DYNC2H1: variants seen among roughly 807,000 people sequenced by gnomAD.
The protein encoded by DYNC2H1 is cytoplasmic dynein 2 heavy chain 1.
Under a neutral mutation model 570.0 loss-of-function variants are expected in DYNC2H1, and 410 were observed. The observed-to-expected ratio is 0.72, with a 90% CI of 0.66 to 0.78. The LOEUF is 0.78. DYNC2H1 is among the 30% of genes least tolerant of loss of function. The pLI, the probability that DYNC2H1 is intolerant of heterozygous loss-of-function variation, is 0.00. For missense variants in DYNC2H1, 4,865 were observed against 5,046.4 expected (o/e 0.96, Z 1.09); for synonymous variants, 1,688 against 1,677.6 (o/e 1.01, Z -0.15).
intron 87 of DYNC2H1, among the ~76,000 whole-genome samples, chr11:103,462,734 G>A (rs1034291338): frequency 5.3e-5 from 8 of 152,118 alleles, no homozygotes; most frequent in Non-Finnish European, 1.2e-4. Flanking sequence ...TTCTCTTTAA[G>A]TATCATTGTG....
intron 13 of DYNC2H1, among the ~76,000 whole-genome samples, chr11:103,131,521 T>A (rs901187654): frequency 7.0e-6 from 1 of 141,882 alleles, no homozygotes; most frequent in Non-Finnish European, 1.5e-5. Flanking sequence ...CCCAGTATTC[T>A]TTTTTTTCCC....
chr11:103,212,288 G>A (rs1350830622), intron 54 of DYNC2H1, among the ~76,000 whole-genome samples: 1 of 151,938 alleles, frequency 6.6e-6, no homozygotes, highest in Non-Finnish European at 1.5e-5. Flanking sequence ...TGGACTTTGG[G>A]GACTTGGGGG....
intron 40 of DYNC2H1, among the ~76,000 whole-genome samples, chr11:103,183,443 GA>G (rs1262316447): frequency 2.0e-5 from 3 of 151,590 alleles, no homozygotes; most frequent in East Asian, 3.9e-4. Flanking sequence ...ATTCAGTTAG[GA>G]AAAAAAATGG....
At position 103,259,855 on chromosome 11, in the gene DYNC2H1, A is replaced by G. The variant is rs774057434; in HGVS notation, c.10606-33A>G. The G allele has an allele frequency of 4.3e-6, 6 of 1,389,162 alleles. No individual in the cohort carries two copies. In the Middle Eastern group the frequency reaches 5.4e-4, roughly 125 times the overall value. The allele number at this position is 1,389,162 out of a possible 1,614,324, so 86.1% of individuals were successfully genotyped here. On this transcript the variant is annotated intron_variant, in intron 69 of 88. Coordinates refer to ENST00000375735, the MANE Select transcript of DYNC2H1 (RefSeq NM_001377.3). ...AGGCGTACTTTTTAAATGTTTATAAATTTCCTAATGAATTTCCAATTATAA... is the reference window on the plus strand; with the variant it reads ...AGGCGTACTTTTTAAATGTTTATAAGTTTCCTAATGAATTTCCAATTATAA...
At chr11:103,165,752 T>C in intron 30 of DYNC2H1, 146 bp from the exon 31 acceptor site, 2 of 589,988 alleles carry the variant, frequency 3.4e-6, no homozygotes, top group Non-Finnish European at 2.8e-6. Flanking sequence ...TATTACTCTA[T>C]TAATATTTAA....
intron 85 of DYNC2H1, among the ~76,000 whole-genome samples, chr11:103,440,047 A>G (rs1230210406): frequency 3.3e-5 from 5 of 152,040 alleles, no homozygotes; most frequent in Non-Finnish European, 7.4e-5. Context: ...TAAATCTTAC[A>G]TTGTCAGCTT....
At chr11:103,134,495 C>A in intron 15 of DYNC2H1, 76 bp downstream of exon 15, 1 of 1,152,068 alleles carries the variant, frequency 8.7e-7, no homozygotes, top group Non-Finnish European at 1.2e-6. Context: ...TATGAATTGC[C>A]GAGAAGTTCA....
Position 103,239,711 on chromosome 11 carries a change from A to T in DYNC2H1, c.9819+3172A>T. On this transcript the variant is annotated intron_variant, in intron 63 of 88. Transcript: ENST00000375735. The surrounding 1 kb of genome is among the most constrained non-coding windows in gnomAD (Gnocchi z 4.3). ...TTTATTTTATATTCTTGTTAATGTA[A>T]CTCTCCTTAGTGAATCAAGAGTTAG... Among the ~76,000 whole-genome samples, 2 of 146,930 alleles carry T rather than the reference A, an allele frequency of 1.4e-5. No homozygotes were observed. Among genetic ancestry groups the T allele is most frequent in the African/African-American group, 2.5e-5 (1 of 39,562 alleles).
intron 77 of DYNC2H1, among the ~76,000 whole-genome samples, chr11:103,306,236 A>T (rs1867278648): frequency 6.6e-6 from 1 of 152,206 alleles, no homozygotes; most frequent in Admixed American, 6.5e-5. Flanking sequence ...ATGTTTTAAG[A>T]TATGTAAAAA....
intron 86 of DYNC2H1, among the ~76,000 whole-genome samples, chr11:103,455,710 T>C (rs1275382885): frequency 6.6e-6 from 1 of 152,086 alleles, no homozygotes; most frequent in Non-Finnish European, 1.5e-5. Flanking sequence ...TGCATGAAAA[T>C]ATTTTTATCT....
At chr11:103,411,205 G>A (rs1317233578) in intron 84 of DYNC2H1, among the ~76,000 whole-genome samples, 5 of 152,114 alleles carry the variant, frequency 3.3e-5, no homozygotes, top group African/African-American at 1.2e-4. Context: ...TACAGTTCTA[G>A]AAATCCAGTG....
chr11:103,222,975 G>A lies in DYNC2H1; in HGVS notation c.9242G>A (p.Arg3081His), dbSNP rs749753983. The change falls in exon 59 of 89, where the codon CGT (arginine) becomes CAT (histidine). Residue 3081 changes from arginine to histidine, a missense_variant. Transcript: ENST00000375735. ...KGSFDPKNAK[R>H]ASTAAAPLAA... is the part of the protein sequence containing the mutation. ...TCATGGATTTTTCAGAATGCTAAGC[G>A]TGCCAGTACTGCAGCTGCACCTTTG... The A allele has an allele frequency of 6.4e-5, 104 of 1,612,934 alleles. No individual in the cohort carries two copies. The highest frequency in any genetic ancestry group is 3.5e-4 in the African/African-American group (26 of 74,858).
At chr11:103,126,411 T>C (rs1859004981) in intron 12 of DYNC2H1, among the ~76,000 whole-genome samples, 1 of 152,202 alleles carries the variant, frequency 6.6e-6, no homozygotes, top group Admixed American at 6.5e-5. Flanking sequence ...TCTGCTTTGG[T>C]TGAGAATCAC....
chr11:103,349,776 A>C (rs1591616040), intron 82 of DYNC2H1, among the ~76,000 whole-genome samples: 1 of 152,178 alleles, frequency 6.6e-6, no homozygotes, highest in Non-Finnish European at 1.5e-5. Context: ...ACCTTGAAAA[A>C]TGATGATGTG....
chr11:103,211,964 A>T (rs777080713), intron 54 of DYNC2H1, 21 bp downstream of exon 54: 1 of 1,494,010 alleles, frequency 6.7e-7, no homozygotes, highest in African/African-American at 1.4e-5. Flanking sequence ...GGTAATCTTG[A>T]ATTATTTTAT....
Position 103,311,886 on chromosome 11 carries a change from A to G in DYNC2H1, c.11502A>G (p.Pro3834=), listed in dbSNP as rs1368851036. Residue 3834 remains proline, a synonymous_variant, in exon 79 of 89, where the codon CCA becomes CCG. Transcript: ENST00000375735. The stretch of plus-strand genomic sequence containing the variant: ...GTTGATTTTTTTTCTAGTCACCTCC[A>G]GGTTTAAAGAAGAATTTAATGCGTA... ...SSLKITYESP[P]GLKKNLMRTY... The G allele has an allele frequency of 6.2e-7, 1 of 1,607,448 alleles. No homozygotes were observed. Among genetic ancestry groups the G allele is most frequent in the African/African-American group, 1.3e-5 (1 of 74,802 alleles).
chr11:103,159,654 A>G (rs563677389), intron 28 of DYNC2H1, among the ~76,000 whole-genome samples: 1 of 152,262 alleles, frequency 6.6e-6, no homozygotes, highest in Non-Finnish European at 1.5e-5. Context: ...TACCAAAATA[A>G]TGACTATTAT....
chr11:103,391,207 T>C (rs1169945118), intron 83 of DYNC2H1, among the ~76,000 whole-genome samples: 1 of 152,176 alleles, frequency 6.6e-6, no homozygotes, highest in Admixed American at 6.5e-5. Flanking sequence ...TTTTTACTCT[T>C]TTTTCTCTAA....
rs1403283806 is a variant in DYNC2H1, at chr11:103,109,460, G to T, written c.-115G>T. 2.9e-6 allele frequency: 3 copies of T among 1,023,524 alleles called. No individual in the cohort carries two copies. The highest frequency in any genetic ancestry group is 1.6e-5 in the African/African-American group (1 of 61,742). The allele number at this position is 1,023,524 out of a possible 1,614,324, so 63.4% of individuals were successfully genotyped here. On this transcript the variant is annotated 5_prime_UTR_variant, in exon 1 of 89. Coordinates refer to ENST00000375735, the MANE Select transcript of DYNC2H1 (RefSeq NM_001377.3). ...ACCCCTGGCAACCGCGAAGCTCTGC[G>T]GTCCCGCGGTCGGGCTACGGGTTTG...
Sources: allele counts gnomAD v4.1 joint callset (sites outside exome capture counted in the v4.1 genomes callset), GRCh38; gene constraint gnomAD v4.1.1; non-coding constraint Gnocchi (gnomAD v3.1); transcripts MANE v1.5; gene names NCBI Gene and HGNC (gene_info 2026-07-23, HGNC 2026-07-21).